Variants in FOXN3 observed in about 807,000 individuals in gnomAD.
FOXN3 encodes forkhead box N3, also known as forkhead box protein N3.
Under a neutral mutation model 38.4 loss-of-function variants are expected in FOXN3, and 7 were observed. The observed-to-expected ratio is 0.18, with a 90% CI of 0.10 to 0.34. The LOEUF is 0.34. FOXN3 is among the 10% of genes least tolerant of loss of function. The probability of loss-of-function intolerance (pLI) is 1.00; values close to 1 mark genes in which losing one functional copy is unlikely to be tolerated. For synonymous variants in FOXN3, 230 were observed against 242.2 expected, an observed-to-expected ratio of 0.95 and a Z score of 0.47; for missense variants, 456 against 613.4, an observed-to-expected ratio of 0.74 and a Z score of 2.71.
At chr14:89,222,608 A>G (rs1596112671) in intron 4 of FOXN3, among the ~76,000 whole-genome samples, 1 of 152,092 alleles carries the variant, frequency 6.6e-6, no homozygotes, top group South Asian at 2.1e-4. Context: ...GGGCACAGAC[A>G]CCCAGCCGAG....
intron 2 of FOXN3, among the ~76,000 whole-genome samples, chr14:89,377,117 C>A (rs1467360867): frequency 1.4e-5 from 2 of 143,164 alleles, no homozygotes; most frequent in Non-Finnish European, 3.0e-5. Context: ...GTGAAAGACA[C>A]CACAAGGAAA....
chr14:89,404,620 G>C (rs1891341462), intron 2 of FOXN3, among the ~76,000 whole-genome samples: 1 of 151,864 alleles, frequency 6.6e-6, no homozygotes. Context: ...TGACAAGGGA[G>C]TATTTTTATT....
At chr14:89,451,908 C>T (rs1289903545) in intron 1 of FOXN3, among the ~76,000 whole-genome samples, 1 of 152,118 alleles carries the variant, frequency 6.6e-6, no homozygotes, top group Non-Finnish European at 1.5e-5. Context: ...GAAGGCACTG[C>T]TCCTCTACCT....
intron 4 of FOXN3, among the ~76,000 whole-genome samples, chr14:89,269,551 T>G (rs1886085575): frequency 4.0e-5 from 6 of 151,752 alleles, no homozygotes; most frequent in Admixed American, 3.3e-4. Context: ...TGACCTTCAC[T>G]GGCTACTTTA....
chr14:89,224,038 T>C (rs1328699911), intron 4 of FOXN3, among the ~76,000 whole-genome samples: 6 of 151,780 alleles, frequency 4.0e-5, no homozygotes, highest in African/African-American at 1.5e-4. Flanking sequence ...GACTTTAACT[T>C]AAAATGTGGC....
At chr14:89,298,585 A>G (rs931501516) in intron 3 of FOXN3, among the ~76,000 whole-genome samples, 4 of 152,102 alleles carry the variant, frequency 2.6e-5, no homozygotes, top group African/African-American at 9.7e-5. Flanking sequence ...GACATTTCCT[A>G]ATGGCTGGCC....
At chr14:89,235,611 A>G (rs960852454) in intron 4 of FOXN3, among the ~76,000 whole-genome samples, 2 of 152,226 alleles carry the variant, frequency 1.3e-5, no homozygotes, top group African/African-American at 4.8e-5. Context: ...TTCATGGCAC[A>G]GGGGAATTAA....
chr14:89,390,985 T>G (rs77778272), intron 2 of FOXN3, among the ~76,000 whole-genome samples: 3,467 of 152,268 alleles, frequency 0.023, 126 homozygotes, highest in African/African-American at 0.077. Context: ...AGAAACTCCT[T>G]TCTCCAGTTG....
chr14:89,373,500 C>A (rs577263669), intron 2 of FOXN3, among the ~76,000 whole-genome samples: 7 of 152,110 alleles, frequency 4.6e-5, no homozygotes, highest in Non-Finnish European at 1.0e-4. Context: ...TGATGAGATC[C>A]AGGTAACAGC....
intron 1 of FOXN3, among the ~76,000 whole-genome samples, chr14:89,608,462 C>T (rs945720490): frequency 7.2e-5 from 11 of 152,214 alleles, no homozygotes; most frequent in African/African-American, 2.7e-4. Flanking sequence ...CTTATAAAAA[C>T]TTTTGTTTCA....
chr14:89,350,591 T>C, intron 3 of FOXN3, 81 bp downstream of exon 3: 1 of 1,217,578 alleles, frequency 8.2e-7, no homozygotes, highest in Non-Finnish European at 1.1e-6. Flanking sequence ...TCGTACGGCC[T>C]ATTAAATTAA....
chr14:89,455,153 T>C lies in FOXN3; in HGVS notation c.-14-42663A>G, dbSNP rs1282730764. Among the ~76,000 whole-genome samples the C allele has an allele frequency of 2.6e-5, 4 of 152,324 alleles. No individual in the cohort carries two copies. In the Middle Eastern group the frequency reaches 0.01, roughly 389 times the overall value. On this transcript the variant is annotated intron_variant, in intron 1 of 6. Transcript: ENST00000345097. The stretch of plus-strand genomic sequence containing the variant: ...CTCATCAGTGAGATTAAAGGCCTGA[T>C]GAGAATCATCTCCAATGTTCCTTAT...
rs147553890 is a variant in FOXN3 at position 89,349,967 on chromosome 14, G to A, written c.680+705C>T. The stretch of plus-strand genomic sequence containing the variant: ...ACTGAGGAATGCACTTCAAATTCAA[G>A]TACTATGTATTCATAAAAATTGATC... On this transcript the variant is annotated intron_variant, in intron 3 of 5. Coordinates refer to ENST00000557258, the MANE Select transcript of FOXN3 (RefSeq NM_005197.4). Among the ~76,000 whole-genome samples, 74 of 152,162 alleles carry A rather than the reference G, an allele frequency of 4.9e-4. 2 individuals are homozygous for A. The East Asian group carries it at 0.012, about 25-fold the overall frequency.
intron 2 of FOXN3, among the ~76,000 whole-genome samples, chr14:89,360,844 GCACCACCTCCACCACCACCTC>G (rs1889525154): frequency 5.3e-5 from 1 of 18,796 alleles, no homozygotes. Flanking sequence ...ACCACCTCCA[GCACCACCTCCACCACCACCTC>G]CACCACCACC....
chr14:89,170,085 A>T (rs1192628730), intron 5 of FOXN3, among the ~76,000 whole-genome samples: 1 of 152,250 alleles, frequency 6.6e-6, no homozygotes, highest in Non-Finnish European at 1.5e-5. Flanking sequence ...AAATGAGATC[A>T]GATAGATTTC....
At chr14:89,413,659 AGGGAAGGGAATGGAAGAGAAGG>A (rs1891604808) in intron 1 of FOXN3, among the ~76,000 whole-genome samples, 1 of 131,040 alleles carries the variant, frequency 7.6e-6, no homozygotes, top group Non-Finnish European at 1.7e-5. Flanking sequence ...GTAAGGAAGA[AGGGAAGGGAATGGAAGAGAAGG>A]GGGAAGGGAA....
intron 4 of FOXN3, among the ~76,000 whole-genome samples, chr14:89,193,429 T>C (rs1470973563): frequency 6.6e-6 from 1 of 152,166 alleles, no homozygotes; most frequent in Non-Finnish European, 1.5e-5. Flanking sequence ...AGGAAAAGTA[T>C]TCCATCAATA....
At chr14:89,332,407 A>G (rs1373114306) in intron 3 of FOXN3, among the ~76,000 whole-genome samples, 1 of 152,134 alleles carries the variant, frequency 6.6e-6, no homozygotes, top group Non-Finnish European at 1.5e-5. Context: ...CCTTACCCCC[A>G]TCCCCGGTCT....
At chr14:89,588,202 C>T (rs1158613565) in intron 1 of FOXN3, among the ~76,000 whole-genome samples, 54 of 152,218 alleles carry the variant, frequency 3.5e-4, no homozygotes, top group Non-Finnish European at 1.6e-4. Context: ...TGTGACATGC[C>T]TGCTCCCCCT....
Sources: gnomAD v4.1 joint callset for allele counts (sites outside exome capture counted in the v4.1 genomes callset) on GRCh38, gnomAD v4.1.1 for gene constraint, MANE v1.5 for transcripts, NCBI Gene and HGNC (gene_info 2026-07-23, HGNC 2026-07-21) for gene names.